Variants in TTC28 observed in about 807,000 individuals in gnomAD.
TTC28 encodes tetratricopeptide repeat domain 28, also known as tetratricopeptide repeat protein 28.
Under a neutral mutation model 198.0 loss-of-function variants are expected in TTC28, and 61 were observed. That is an observed-to-expected ratio of 0.31 (90% CI 0.25 to 0.38). TTC28 has a LOEUF of 0.38. TTC28 is among the 10% of genes least tolerant of loss of function. TTC28 has a pLI of 1.00. For synonymous variants in TTC28, 1,171 were observed against 1,297.8 expected (o/e 0.90, Z 2.10); for missense variants, 2,678 against 3,164.0 (o/e 0.85, Z 3.69).
chr22:28,307,613 G>A (rs1385309833), intron 2 of TTC28, among the ~76,000 whole-genome samples: 1 of 152,094 alleles, frequency 6.6e-6, no homozygotes, highest in Non-Finnish European at 1.5e-5. Context: ...GTAAAACCAA[G>A]CAGGTGACAA....
chr22:28,347,397 A>G (rs1205328195), intron 2 of TTC28, among the ~76,000 whole-genome samples: 1 of 152,084 alleles, frequency 6.6e-6, no homozygotes, highest in South Asian at 2.1e-4. Flanking sequence ...ATTAAATTTC[A>G]TATTTCATCC....
intron 6 of TTC28, among the ~76,000 whole-genome samples, chr22:28,128,200 C>G (rs1034942452): frequency 2.0e-5 from 3 of 152,094 alleles, no homozygotes; most frequent in Admixed American, 6.6e-5. Flanking sequence ...CGCCTATAAT[C>G]CCAGCACTTT....
intron 2 of TTC28, among the ~76,000 whole-genome samples, chr22:28,353,198 T>C (rs572802563): frequency 6.6e-6 from 1 of 152,250 alleles, no homozygotes; most frequent in Admixed American, 6.5e-5. Context: ...AAGAAGTTAA[T>C]AGAGAGAAAA....
At chr22:28,278,126 A>T (rs1460757011) in intron 5 of TTC28, among the ~76,000 whole-genome samples, 24 of 152,068 alleles carry the variant, frequency 1.6e-4, no homozygotes, top group Admixed American at 1.6e-3. Flanking sequence ...ATATGGGTGT[A>T]GCATATGCAT....
At chr22:28,595,790 G>A (rs866238179) in intron 2 of TTC28, among the ~76,000 whole-genome samples, 1 of 152,184 alleles carries the variant, frequency 6.6e-6, no homozygotes, top group Non-Finnish European at 1.5e-5. Context: ...TGGGCATGGT[G>A]GCACGCGCCT....
chr22:28,032,970 C>T (rs1238175543), intron 12 of TTC28, among the ~76,000 whole-genome samples: 24 of 152,170 alleles, frequency 1.6e-4, no homozygotes, highest in Admixed American at 1.6e-3. Flanking sequence ...CCTTTGGGAG[C>T]TGAAGGCCCT....
Position 28,296,267 on chromosome 22 carries a change from T to C in TTC28, c.864A>G (p.Gly288=). The C allele has an allele frequency of 6.4e-7, 1 of 1,551,072 alleles. No homozygotes were observed. Among genetic ancestry groups the C allele is most frequent in the Non-Finnish European group, 8.7e-7 (1 of 1,146,686 alleles). Residue 288 remains glycine, a synonymous_variant, in exon 5 of 23, where the codon GGA becomes GGG. Coordinates refer to ENST00000397906, the MANE Select transcript of TTC28 (RefSeq NM_001145418.2). Reference sequence around the variant, plus strand: ...GGTTAGTGAGAGCCTCCCGGTAATTTCCTTTGGAGAAGAATGCAGAGCCCA... The same window carrying C: ...GGTTAGTGAGAGCCTCCCGGTAATTCCCTTTGGAGAAGAATGCAGAGCCCA... ...GNLGSAFFSK[G]NYREALTNHR...
At chr22:28,470,829 G>A (rs1453312695) in intron 2 of TTC28, among the ~76,000 whole-genome samples, 1 of 152,148 alleles carries the variant, frequency 6.6e-6, no homozygotes, top group African/African-American at 2.4e-5. Context: ...AGCAGGTGAA[G>A]AACAACACAA....
chr22:28,149,460 T>C (rs759171191), intron 6 of TTC28, among the ~76,000 whole-genome samples: 1 of 152,164 alleles, frequency 6.6e-6, no homozygotes, highest in Non-Finnish European at 1.5e-5. Context: ...ACAATATGGA[T>C]GAACCTAGGG....
intron 5 of TTC28, among the ~76,000 whole-genome samples, chr22:28,209,203 C>T (rs1048265726): frequency 2.0e-5 from 3 of 152,184 alleles, no homozygotes; most frequent in Non-Finnish European, 2.9e-5. Context: ...CGAATAGGAA[C>T]AGCTCCAGTC....
intron 2 of TTC28, among the ~76,000 whole-genome samples, chr22:28,458,000 T>C (rs1229998382): frequency 6.6e-6 from 1 of 152,162 alleles, no homozygotes; most frequent in African/African-American, 2.4e-5. Context: ...AATTTTTGCA[T>C]ATTATAAATG....
chr22:28,153,780 AT>A (rs1377573989), intron 6 of TTC28, among the ~76,000 whole-genome samples: 1 of 152,230 alleles, frequency 6.6e-6, no homozygotes, highest in Non-Finnish European at 1.5e-5. Flanking sequence ...CTTTCTAGAT[AT>A]AAAATGTTTT....
intron 2 of TTC28, among the ~76,000 whole-genome samples, chr22:28,435,660 A>T (rs2047509289): frequency 6.6e-6 from 1 of 152,188 alleles, no homozygotes; most frequent in African/African-American, 2.4e-5. Flanking sequence ...AGCCTCTTAC[A>T]CTGGCAATGT....
At chr22:28,152,851 A>G (rs1484578780) in intron 6 of TTC28, among the ~76,000 whole-genome samples, 1 of 152,220 alleles carries the variant, frequency 6.6e-6, no homozygotes, top group Non-Finnish European at 1.5e-5. Flanking sequence ...AGATAATCCA[A>G]TGTATAACAA....
At chr22:28,080,996 C>T (rs1038853234) in intron 12 of TTC28, among the ~76,000 whole-genome samples, 1 of 152,064 alleles carries the variant, frequency 6.6e-6, no homozygotes, top group African/African-American at 2.4e-5. Flanking sequence ...ATTTGACATA[C>T]ACATAAGGGT....
intron 2 of TTC28, among the ~76,000 whole-genome samples, chr22:28,460,339 G>A (rs1212530325): frequency 6.6e-6 from 1 of 151,988 alleles, no homozygotes; most frequent in Non-Finnish European, 1.5e-5. Flanking sequence ...AAAATGCAAG[G>A]AGATAGAAGG....
At chr22:27,995,725 G>A (rs948175976) in intron 17 of TTC28, among the ~76,000 whole-genome samples, 119 of 152,146 alleles carry the variant, frequency 7.8e-4, no homozygotes, top group African/African-American at 2.6e-3. Context: ...ACTGAGGCTC[G>A]GAGAGCCAAA....
chr22:28,227,854 T>G (rs1223215022), intron 5 of TTC28, among the ~76,000 whole-genome samples: 1 of 152,150 alleles, frequency 6.6e-6, no homozygotes, highest in African/African-American at 2.4e-5. Context: ...GATTCAGCAA[T>G]TCTACTCCTG....
At chr22:28,639,200 G>C (rs1281853211) in intron 1 of TTC28, among the ~76,000 whole-genome samples, 1 of 149,482 alleles carries the variant, frequency 6.7e-6, no homozygotes, top group Non-Finnish European at 1.5e-5. Context: ...TAAGCACAGG[G>C]CTTTGCAAGG....
Sources: allele counts gnomAD v4.1 joint callset (sites outside exome capture counted in the v4.1 genomes callset), GRCh38; gene constraint gnomAD v4.1.1; transcripts MANE v1.5; gene names NCBI Gene and HGNC (gene_info 2026-07-23, HGNC 2026-07-21).